LRRC9: variants seen among roughly 807,000 people sequenced by gnomAD.
The protein encoded by LRRC9 is leucine rich repeat containing 9, also known as leucine-rich repeat-containing protein 9.
LRRC9 carries 122 observed loss-of-function variants against 63.2 expected under a neutral mutation model. That is an observed-to-expected ratio of 1.93 (90% CI 1.67 to 2.24). The LOEUF (loss-of-function observed/expected upper bound fraction) is 2.24. LRRC9 is among the 30% of genes most tolerant of loss of function. The pLI is 0.00. For missense variants in LRRC9, 1,071 were observed against 627.7 expected (o/e 1.71, Z -7.55); for synonymous variants, 366 against 213.1 (o/e 1.72, Z -6.25).
chr14:59,957,453 C>T (rs1417346287), intron 8 of LRRC9, among the ~76,000 whole-genome samples: 1 of 151,904 alleles, frequency 6.6e-6, no homozygotes, highest in African/African-American at 2.4e-5. Flanking sequence ...TCATGAAGTT[C>T]TTATGCTGTG....
chr14:60,064,516 T>C (rs1894830989), downstream of LRRC9, among the ~76,000 whole-genome samples: 1 of 152,232 alleles, frequency 6.6e-6, no homozygotes, highest in South Asian at 2.1e-4. Context: ...TTTGTATTTT[T>C]CTTTTTAAAT....
chr14:60,021,031 A>C (rs896164728), intron 26 of LRRC9, among the ~76,000 whole-genome samples: 1 of 151,978 alleles, frequency 6.6e-6, no homozygotes, highest in African/African-American at 2.4e-5. Flanking sequence ...GTTGGGTCAT[A>C]CAGTAACTTA....
At position 59,927,645 on chromosome 14, in the gene LRRC9, G is replaced by T. The variant is rs915201046; in HGVS notation, c.-33-266G>T. On this transcript the variant is annotated intron_variant, in intron 1 of 31. Coordinates refer to ENST00000445360, the Ensembl canonical transcript of LRRC9. The surrounding 1 kb of genome is among the most constrained non-coding windows in gnomAD (Gnocchi z 4.4). ...TGACCATTTTCTTCAAGTATTGAAG[G>T]CTCATCGTGTGGAAAAAAAGTTATA... Among the ~76,000 whole-genome samples, 16 of 151,898 alleles carry T rather than the reference G, an allele frequency of 1.1e-4. No individual in the cohort carries two copies. The highest frequency in any genetic ancestry group is 1.8e-4 in the Non-Finnish European group (12 of 67,866).
rs776232953 is a variant in LRRC9, at chr14:59,984,021, C to T, written c.2092-1084C>T. On this transcript the variant is annotated intron_variant, in intron 16 of 31. Transcript: ENST00000445360. ...TAAGGCACTGATAGTGGTGATATAA[C>T]GGTGTGGCCTGTTTGAGAAACAGTT... 9.9e-5 allele frequency among the ~76,000 whole-genome samples: 15 copies of T among 152,162 alleles called. No individual in the cohort carries two copies. The South Asian group carries it at 2.1e-3, about 21-fold the overall frequency.
chr14:60,041,827 A>G (rs972870345), intron 29 of LRRC9, among the ~76,000 whole-genome samples: 1 of 152,200 alleles, frequency 6.6e-6, no homozygotes, highest in Non-Finnish European at 1.5e-5. Context: ...AGAGGCACTC[A>G]GATTTTTAGA....
exon 17 of LRRC9, chr14:59,985,130 T>C: frequency 1.5e-6 from 1 of 686,982 alleles, no homozygotes; most frequent in Non-Finnish European, 2.7e-6. Context: ...GGAAACAGCT[T>C]GAGTAAATTG....
intron 20 of LRRC9, 76 bp downstream of exon 20, chr14:60,002,176 C>A: frequency 1.8e-6 from 1 of 559,454 alleles, no homozygotes; most frequent in South Asian, 2.4e-5. Flanking sequence ...GTCTGTGTAT[C>A]ATAAAGAGGG....
rs181009390 is a variant in LRRC9, at chr14:60,031,092, G to T, written c.3922-903G>T. Among the ~76,000 whole-genome samples the T allele has an allele frequency of 5.3e-5, 8 of 151,970 alleles. No individual in the cohort carries two copies. The highest frequency in any genetic ancestry group is 1.0e-4 in the Non-Finnish European group (7 of 67,930). On this transcript the variant is annotated intron_variant, in intron 28 of 31. Transcript: ENST00000445360. This position sits in a 1 kb window ranked among gnomAD's most constrained non-coding sequence, Gnocchi z 4.6. The stretch of plus-strand genomic sequence containing the variant: ...TCGCATGTCCATGATTACTGATCAG[G>T]CTTTGGTTCCACAGATAGAAACTGC...
Position 60,018,295 on chromosome 14 carries a change from T to G in LRRC9, c.3318-76T>G. The G allele has an allele frequency of 4.4e-6, 3 of 686,624 alleles. No homozygotes were observed. The South Asian group carries it at 4.6e-5, about 10-fold the overall frequency. 42.5% of individuals were successfully genotyped at this position (686,624 alleles called of 1,614,324 possible). On this transcript the variant is annotated intron_variant, in intron 24 of 31. Transcript: ENST00000445360. The stretch of plus-strand genomic sequence containing the variant: ...TTTTTAAATGTCTTTGGTGGCTGTA[T>G]GTGAAGGAACTCACCTTTTCCTATA...
chr14:59,991,194 A>G (rs1391930710), intron 17 of LRRC9, among the ~76,000 whole-genome samples: 1 of 152,178 alleles, frequency 6.6e-6, no homozygotes, highest in Non-Finnish European at 1.5e-5. Flanking sequence ...AAGTTTTTAA[A>G]TTTGCTTTGG....
At position 59,975,075 on chromosome 14, in the gene LRRC9, T is replaced by C; in HGVS notation, c.1639+367T>C. Among the ~76,000 whole-genome samples the C allele has an allele frequency of 3.6e-5, 3 of 83,472 alleles. 1 individual carries two copies. The highest frequency in any genetic ancestry group is 7.8e-5 in the Non-Finnish European group (3 of 38,344). The allele number at this position is 83,472 out of a possible 152,430, so 54.8% of individuals were successfully genotyped here. A position where few individuals can be genotyped will look rare whatever the true frequency, so the allele number is the denominator to read the frequency against. ...TATGCTGAACTAAACTATGTGTGTGTGTGTGTGTGTAGTGTATATATATAT... is the reference window on the plus strand; with the variant it reads ...TATGCTGAACTAAACTATGTGTGTGCGTGTGTGTGTAGTGTATATATATAT... On this transcript the variant is annotated intron_variant, in intron 13 of 31. Transcript: ENST00000445360.
At chr14:60,045,783 T>A (rs148696807) in intron 29 of LRRC9, among the ~76,000 whole-genome samples, 1 of 152,316 alleles carries the variant, frequency 6.6e-6, no homozygotes, top group African/African-American at 2.4e-5. Context: ...CCTTGGGGTA[T>A]ACATCCAGTA....
chr14:60,034,286 G>C (rs1041606068), intron 29 of LRRC9, among the ~76,000 whole-genome samples: 1 of 151,446 alleles, frequency 6.6e-6, no homozygotes, highest in East Asian at 1.9e-4. Context: ...CAAAGTGCTG[G>C]GATTACAGGA....
chr14:59,999,090 T>G lies in LRRC9; in HGVS notation c.2404-11T>G. ...CAGTTTATAAAAAATTTTTTTTTTGTTTTTCCCAAGCCAGCCACATTGAGG... is the reference window on the plus strand; with the variant it reads ...CAGTTTATAAAAAATTTTTTTTTTGGTTTTCCCAAGCCAGCCACATTGAGG... On this transcript the variant is annotated splice_polypyrimidine_tract_variant and intron_variant, in intron 18 of 31. Coordinates refer to ENST00000445360, the Ensembl canonical transcript of LRRC9. The G allele has an allele frequency of 1.6e-6, 1 of 640,222 alleles. No individual in the cohort carries two copies. The highest frequency in any genetic ancestry group is 2.8e-6 in the Non-Finnish European group (1 of 359,366). The allele number at this position is 640,222 out of a possible 1,614,324, so 39.7% of individuals were successfully genotyped here.
rs138817780 is a variant in LRRC9 at position 60,059,282 on chromosome 14, C to T, written c.4276+1260C>T. ...GTGTCTTTATCACATTTTGGTAATT[C>T]TCTATTTCAAACTTTTTCATTATTA... On this transcript the variant is annotated intron_variant, in intron 31 of 31. Transcript: ENST00000445360. Among the ~76,000 whole-genome samples, 478 of 152,238 alleles carry T rather than the reference C, an allele frequency of 3.1e-3. 1 individual carries two copies. Among genetic ancestry groups the T allele is most frequent in the African/African-American group, 0.011 (460 of 41,534 alleles).
chr14:60,051,430 G>C lies in LRRC9; in HGVS notation c.3991-1635G>C, dbSNP rs979347166. Among the ~76,000 whole-genome samples, 6 of 152,240 alleles carry C rather than the reference G, an allele frequency of 3.9e-5. No individual in the cohort carries two copies. The highest frequency in any genetic ancestry group is 8.8e-5 in the Non-Finnish European group (6 of 68,040). ...GTCCAGACCACCTGGACTCTCTACA[G>C]ATGGCAGGCTGGAACGCTGACTTGA... On this transcript the variant is annotated intron_variant, in intron 29 of 31. Transcript: ENST00000445360. This position sits in a 1 kb window ranked among gnomAD's most constrained non-coding sequence, Gnocchi z 4.7.
At chr14:60,044,768 T>C (rs1195670613) in intron 29 of LRRC9, among the ~76,000 whole-genome samples, 2 of 152,206 alleles carry the variant, frequency 1.3e-5, no homozygotes, top group African/African-American at 4.8e-5. Flanking sequence ...CTGAAGCAGT[T>C]GGGTGAAATG....
At chr14:59,934,865 A>G (rs1361850167) in intron 6 of LRRC9, among the ~76,000 whole-genome samples, 1 of 152,176 alleles carries the variant, frequency 6.6e-6, no homozygotes, top group Non-Finnish European at 1.5e-5. Flanking sequence ...TTAGAAACAA[A>G]TAATCTAAGA....
chr14:59,968,049 AAAC>A (rs1419537929), intron 12 of LRRC9, among the ~76,000 whole-genome samples: 1 of 152,252 alleles, frequency 6.6e-6, no homozygotes, highest in Non-Finnish European at 1.5e-5. Context: ...ATGAATGGAT[AAAC>A]AAAAGTGGAA....
Sources: gnomAD v4.1 joint callset for allele counts (sites outside exome capture counted in the v4.1 genomes callset) on GRCh38, gnomAD v4.1.1 for gene constraint, Gnocchi (gnomAD v3.1) non-coding constraint, MANE v1.5 for transcripts, NCBI Gene and HGNC (gene_info 2026-07-23, HGNC 2026-07-21) for gene names.